Variants in RAD51B observed in about 807,000 individuals in gnomAD.
The protein encoded by RAD51B is RAD51 paralog B.
A neutral mutation model predicts 42.2 loss-of-function variants in RAD51B; 38 were observed. The observed-to-expected ratio is 0.90, with a 90% CI of 0.70 to 1.18. The LOEUF (loss-of-function observed/expected upper bound fraction) is 1.18, where lower values mean the gene tolerates loss of function less well. Among genes scored for constraint, RAD51B ranks in the 50% most tolerant of loss-of-function variants. The pLI, the probability that RAD51B is intolerant of heterozygous loss-of-function variation, is 0.00. For synonymous variants in RAD51B, 154 were observed against 145.2 expected, an observed-to-expected ratio of 1.06 and a Z score of -0.43; for missense variants, 373 against 400.7, an observed-to-expected ratio of 0.93 and a Z score of 0.59.
intron 7 of RAD51B, among the ~76,000 whole-genome samples, chr14:68,276,140 G>C (rs575078539): frequency 6.6e-6 from 1 of 152,180 alleles, no homozygotes; most frequent in Non-Finnish European, 1.5e-5. Flanking sequence ...TGGTCACCTT[G>C]TTAATGACTT....
chr14:68,048,302 T>C (rs1007475041), intron 7 of RAD51B, among the ~76,000 whole-genome samples: 1 of 152,230 alleles, frequency 6.6e-6, no homozygotes, highest in African/African-American at 2.4e-5. Context: ...GTTTTTTCCT[T>C]GTAAATTTGT....
At chr14:68,420,824 C>T (rs1211477124) in intron 9 of RAD51B, among the ~76,000 whole-genome samples, 1 of 152,186 alleles carries the variant, frequency 6.6e-6, no homozygotes, top group Non-Finnish European at 1.5e-5. Flanking sequence ...AGGTCTCAGC[C>T]TTATTTTTAC....
At chr14:68,175,289 C>T (rs2078942968) in intron 7 of RAD51B, among the ~76,000 whole-genome samples, 1 of 152,142 alleles carries the variant, frequency 6.6e-6, no homozygotes. Context: ...AGAAATAAAG[C>T]ATACTGAAGA....
intron 7 of RAD51B, among the ~76,000 whole-genome samples, chr14:68,206,964 A>G (rs1276692059): frequency 3.3e-5 from 5 of 151,754 alleles, no homozygotes; most frequent in African/African-American, 1.2e-4. Flanking sequence ...TAATTTTTTT[A>G]TATTTTTAGT....
chr14:68,571,386 T>C (rs1889693326), intron 10 of RAD51B, among the ~76,000 whole-genome samples: 1 of 152,222 alleles, frequency 6.6e-6, no homozygotes, highest in African/African-American at 2.4e-5. Flanking sequence ...AGGGCAGTGT[T>C]CCCTTCTGGA....
At chr14:68,202,841 C>A (rs982731686) in intron 7 of RAD51B, among the ~76,000 whole-genome samples, 1 of 152,070 alleles carries the variant, frequency 6.6e-6, no homozygotes, top group Non-Finnish European at 1.5e-5. Context: ...CTCAGCCTCA[C>A]AAAGTGCTGG....
At chr14:68,400,258 T>C (rs2084061263) in intron 8 of RAD51B, among the ~76,000 whole-genome samples, 1 of 152,196 alleles carries the variant, frequency 6.6e-6, no homozygotes, top group Non-Finnish European at 1.5e-5. Context: ...GTTGGATATG[T>C]AAAGCGACCA....
intron 8 of RAD51B, among the ~76,000 whole-genome samples, chr14:68,320,310 T>C (rs1376606600): frequency 6.6e-6 from 1 of 152,248 alleles, no homozygotes; most frequent in Non-Finnish European, 1.5e-5. Context: ...TTTATATGCA[T>C]ATGATTAAAC....
At chr14:68,616,101 A>C (rs905227246), downstream of RAD51B, among the ~76,000 whole-genome samples, 1 of 152,036 alleles carries the variant, frequency 6.6e-6, no homozygotes. Flanking sequence ...TGCTGCTATA[A>C]ATTTTATTTC....
At chr14:68,452,441 A>G (rs1566892661) in intron 9 of RAD51B, among the ~76,000 whole-genome samples, 1 of 152,256 alleles carries the variant, frequency 6.6e-6, no homozygotes, top group South Asian at 2.1e-4. Flanking sequence ...GCTTACTGAC[A>G]ATAAAGTCAA....
At chr14:68,175,765 G>C (rs1020764126) in intron 7 of RAD51B, among the ~76,000 whole-genome samples, 2 of 152,100 alleles carry the variant, frequency 1.3e-5, no homozygotes, top group African/African-American at 4.8e-5. Context: ...AAAATGTGTG[G>C]CTCAGTCTGA....
At chr14:68,470,268 C>G (rs1299453129) in intron 10 of RAD51B, among the ~76,000 whole-genome samples, 1 of 152,216 alleles carries the variant, frequency 6.6e-6, no homozygotes, top group East Asian at 1.9e-4. Flanking sequence ...CTCTATCCCA[C>G]TCCCCCAAGC....
At chr14:68,223,572 A>G (rs970373205) in intron 7 of RAD51B, among the ~76,000 whole-genome samples, 2 of 152,254 alleles carry the variant, frequency 1.3e-5, no homozygotes, top group Admixed American at 6.5e-5. Flanking sequence ...GAACTCTGCC[A>G]TGATAACTCA....
rs1445098612 is a variant in RAD51B, at chr14:67,870,793, C to T, written c.452+5654C>T. On this transcript the variant is annotated intron_variant, in intron 5 of 10. Coordinates refer to ENST00000471583, the MANE Select transcript of RAD51B (RefSeq NM_133510.4). ...CAGGATTAAGAATCTCACTCAAAAC[C>T]GCTCAACTACATGGAAACTGAACAA... is the stretch of plus-strand genomic sequence containing the variant. Among the ~76,000 whole-genome samples, 10 of 116,810 alleles carry T rather than the reference C, an allele frequency of 8.6e-5. No individual in the cohort carries two copies. The East Asian group carries it at 1.0e-3, about 12-fold the overall frequency. 76.6% of individuals were successfully genotyped at this position (116,810 alleles called of 152,430 possible). A position where few individuals can be genotyped will look rare whatever the true frequency, so the allele number is the denominator to read the frequency against.
At chr14:68,485,750 T>C (rs1883575781) in intron 10 of RAD51B, among the ~76,000 whole-genome samples, 1 of 152,228 alleles carries the variant, frequency 6.6e-6, no homozygotes. Flanking sequence ...CCAAATAACT[T>C]TCAAACTAAG....
At chr14:68,026,364 A>T (rs1489881007) in intron 7 of RAD51B, among the ~76,000 whole-genome samples, 1 of 152,098 alleles carries the variant, frequency 6.6e-6, no homozygotes, top group Non-Finnish European at 1.5e-5. Context: ...ATTAGGTCTA[A>T]TTGGTCTAGT....
chr14:68,193,443 A>C (rs1046061908), intron 7 of RAD51B, among the ~76,000 whole-genome samples: 3 of 152,174 alleles, frequency 2.0e-5, no homozygotes, highest in African/African-American at 7.2e-5. Context: ...AGCAGCCTCC[A>C]GATAATTGGC....
At chr14:68,629,732 A>C (rs1331584155) in intron 10 of RAD51B, among the ~76,000 whole-genome samples, 8 of 152,216 alleles carry the variant, frequency 5.3e-5, no homozygotes, top group Non-Finnish European at 1.2e-4. Context: ...CCAGGGTCGG[A>C]CTTACATTCC....
intron 5 of RAD51B, 171 bp from the exon 6 acceptor site, chr14:67,885,698 A>T: frequency 2.8e-6 from 2 of 713,180 alleles, no homozygotes; most frequent in Non-Finnish European, 4.0e-6. Flanking sequence ...AACCTCTGTT[A>T]GTGCTTACAA....
Sources: gnomAD v4.1 joint callset for allele counts (sites outside exome capture counted in the v4.1 genomes callset) on GRCh38, gnomAD v4.1.1 for gene constraint, MANE v1.5 for transcripts, NCBI Gene and HGNC (gene_info 2026-07-23, HGNC 2026-07-21) for gene names.